FAT3: variants seen among roughly 807,000 people sequenced by gnomAD.
FAT3 encodes the protein protocadherin Fat 3.
In FAT3, 95 loss-of-function variants were observed where a neutral mutation model predicts 310.2. The observed-to-expected ratio is 0.31, with a 90% CI of 0.26 to 0.36. FAT3 has a LOEUF of 0.36. FAT3 is among the 10% of genes least tolerant of loss of function. The pLI is 1.00. For synonymous variants in FAT3, 2,314 were observed against 2,192.9 expected, an observed-to-expected ratio of 1.06 and a Z score of -1.54; for missense variants, 5,408 against 5,715.6, an observed-to-expected ratio of 0.95 and a Z score of 1.74.
intron 2 of FAT3, among the ~76,000 whole-genome samples, chr11:92,434,519 G>C (rs543678760): frequency 6.6e-6 from 1 of 152,160 alleles, no homozygotes; most frequent in Non-Finnish European, 1.5e-5. Context: ...TGATCAGGAT[G>C]AAAGTGGGAT....
intron 3 of FAT3, among the ~76,000 whole-genome samples, chr11:92,657,914 T>C (rs571712638): frequency 5.2e-4 from 79 of 152,290 alleles, no homozygotes; most frequent in Middle Eastern, 6.8e-3. Flanking sequence ...CTGCATTATA[T>C]AGACCAGCGC....
At chr11:92,490,321 G>T (rs1359044570) in intron 2 of FAT3, among the ~76,000 whole-genome samples, 1 of 152,026 alleles carries the variant, frequency 6.6e-6, no homozygotes, top group East Asian at 1.9e-4. Context: ...TCTTTGTTCT[G>T]CATTTAAAAT....
chr11:92,267,530 CT>C (rs1276139885), intron 1 of FAT3, among the ~76,000 whole-genome samples: 1 of 150,464 alleles, frequency 6.6e-6, no homozygotes, highest in Non-Finnish European at 1.5e-5. Flanking sequence ...GGAACAGTAG[CT>C]TTTAGAAGGG....
intron 2 of FAT3, among the ~76,000 whole-genome samples, chr11:92,386,314 G>C (rs1240326397): frequency 6.6e-6 from 1 of 152,154 alleles, no homozygotes. Context: ...TTGTATTTCA[G>C]TTGCCTTGCT....
intron 3 of FAT3, among the ~76,000 whole-genome samples, chr11:92,597,960 T>C (rs1053651926): frequency 2.0e-5 from 3 of 152,086 alleles, no homozygotes; most frequent in Admixed American, 2.0e-4. Context: ...GAAATCCATA[T>C]TGAAGATTCT....
At chr11:92,762,848 C>T (rs183017894) in intron 5 of FAT3, among the ~76,000 whole-genome samples, 6 of 152,090 alleles carry the variant, frequency 3.9e-5, no homozygotes, top group African/African-American at 1.2e-4. Flanking sequence ...GGTATCCTTA[C>T]GAGCAATGAG....
chr11:92,305,426 C>T (rs1947094362), intron 1 of FAT3, among the ~76,000 whole-genome samples: 1 of 152,072 alleles, frequency 6.6e-6, no homozygotes, highest in Non-Finnish European at 1.5e-5. Flanking sequence ...CAAGAATCAT[C>T]AATGGATGCT....
chr11:92,859,225 G>A lies in FAT3; in HGVS notation c.11561G>A (p.Ser3854Asn), dbSNP rs1949060960. Residue 3854 changes from serine (S) to asparagine (N), a missense_variant, in exon 21 of 28, where the codon AGC becomes AAC. By Grantham distance (46) the Ser-to-Asn change is conservative. Transcript: ENST00000525166. ...ATCAAATATCGGCTTTCTGAAAATAGCAAAGAAGAGGATTTCAAACTAGCT... is the reference window on the plus strand; with the variant it reads ...ATCAAATATCGGCTTTCTGAAAATAACAAAGAAGAGGATTTCAAACTAGCT... ...SYIKYRLSEN[S>N]KEEDFKLALR... The A allele has an allele frequency of 6.2e-7, 1 of 1,613,706 alleles. No individual in the cohort carries two copies. The highest frequency in any genetic ancestry group is 1.3e-5 in the African/African-American group (1 of 74,888).
chr11:92,740,507 G>A (rs1267797934), intron 4 of FAT3, among the ~76,000 whole-genome samples: 2 of 152,186 alleles, frequency 1.3e-5, no homozygotes, highest in African/African-American at 2.4e-5. Context: ...AAGTAAAAGT[G>A]AAGAATCATT....
chr11:92,835,613 T>C (rs976942323), intron 15 of FAT3, among the ~76,000 whole-genome samples: 1 of 152,156 alleles, frequency 6.6e-6, no homozygotes, highest in Non-Finnish European at 1.5e-5. Flanking sequence ...CCACATTGTA[T>C]TCATAAATCA....
intron 1 of FAT3, among the ~76,000 whole-genome samples, chr11:92,266,953 T>C (rs1205407293): frequency 2.0e-5 from 3 of 152,162 alleles, no homozygotes; most frequent in Non-Finnish European, 2.9e-5. Flanking sequence ...AGCATGTGTC[T>C]GTGTGCTGCT....
At chr11:92,775,389 G>A (rs1451309274) in intron 7 of FAT3, among the ~76,000 whole-genome samples, 2 of 152,152 alleles carry the variant, frequency 1.3e-5, no homozygotes, top group African/African-American at 4.8e-5. Flanking sequence ...TATAATCATA[G>A]AATGGTAGAA....
At chr11:92,542,249 A>T (rs1227984434) in intron 3 of FAT3, among the ~76,000 whole-genome samples, 1 of 152,100 alleles carries the variant, frequency 6.6e-6, no homozygotes, top group Admixed American at 6.6e-5. Flanking sequence ...AAGAAAACAT[A>T]GGGAAAATGT....
At chr11:92,380,225 A>G (rs1949460427) in intron 2 of FAT3, among the ~76,000 whole-genome samples, 1 of 152,150 alleles carries the variant, frequency 6.6e-6, no homozygotes, top group Non-Finnish European at 1.5e-5. Context: ...CCCACCTTCA[A>G]GATTCCCATT....
Position 92,354,711 on chromosome 11 carries a change from A to G in FAT3, c.2599A>G (p.Thr867Ala). ...AGACTTAGGTTCTAATGGTGAAGTG[A>G]CTTACTCAGTCTTGACAGATACACA... ...DKDLGSNGEV[T>A]YSVLTDTQQF... The change falls in exon 2 of 28, where the codon ACT (threonine) becomes GCT (alanine). Residue 867 changes from threonine (T) to alanine (A), a missense_variant. Thr to Ala is a moderately conservative substitution (Grantham distance 58). Around this residue, in one of 5 missense-constraint regions of FAT3, gnomAD observed 4,588 missense variants for 4,809.8 expected, o/e 0.95. Coordinates refer to ENST00000525166, the MANE Select transcript of FAT3 (RefSeq NM_001367949.2). The G allele has an allele frequency of 2.5e-6, 4 of 1,613,902 alleles. No homozygotes were observed. Among genetic ancestry groups the G allele is most frequent in the Non-Finnish European group, 1.7e-6 (2 of 1,179,868 alleles).
intron 2 of FAT3, among the ~76,000 whole-genome samples, chr11:92,365,641 T>C (rs947707068): frequency 2.0e-5 from 3 of 152,212 alleles, no homozygotes; most frequent in Non-Finnish European, 2.9e-5. Context: ...TATGCTCAAA[T>C]GAACACTGGG....
intron 2 of FAT3, among the ~76,000 whole-genome samples, chr11:92,475,655 A>G (rs1020532035): frequency 1.3e-5 from 2 of 152,210 alleles, no homozygotes; most frequent in African/African-American, 4.8e-5. Context: ...AAAAAAAGAA[A>G]TGCAAAATAA....
intron 1 of FAT3, among the ~76,000 whole-genome samples, chr11:92,333,681 A>G (rs1465307782): frequency 2.0e-5 from 3 of 152,294 alleles, no homozygotes; most frequent in Middle Eastern, 3.4e-3. Context: ...ATTATGTTCA[A>G]ATTATCATTC....
chr11:92,648,472 T>C (rs1467929171), intron 3 of FAT3, among the ~76,000 whole-genome samples: 5 of 152,150 alleles, frequency 3.3e-5, no homozygotes, highest in Non-Finnish European at 5.9e-5. Flanking sequence ...AGGAATAGCG[T>C]TCAGGTGAAG....
Sources: allele counts gnomAD v4.1 joint callset (sites outside exome capture counted in the v4.1 genomes callset), GRCh38; gene constraint gnomAD v4.1.1; regional missense constraint gnomAD v4.1.1; transcripts MANE v1.5; gene names NCBI Gene and HGNC (gene_info 2026-07-23, HGNC 2026-07-21).